The following SEMA5A variants were observed in gnomAD, a reference collection of about 807,000 sequenced individuals.
SEMA5A encodes semaphorin 5A.
SEMA5A carries 55 observed loss-of-function variants against 135.5 expected under a neutral mutation model. The ratio of observed to expected loss-of-function variants is 0.41; its 90% CI spans 0.33 to 0.51. SEMA5A has a LOEUF of 0.51. SEMA5A is among the 20% of genes least tolerant of loss of function. The pLI is 0.37. For missense variants in SEMA5A, 1,290 were observed against 1,419.9 expected (o/e 0.91, Z 1.47); for synonymous variants, 580 against 546.5 (o/e 1.06, Z -0.85).
chr5:9,105,817 A>C (rs1316748969), intron 16 of SEMA5A, among the ~76,000 whole-genome samples: 2 of 152,256 alleles, frequency 1.3e-5, no homozygotes, highest in African/African-American at 4.8e-5. Context: ...ACTCAATAAA[A>C]ACCGAACCCT....
At chr5:9,446,623 G>GA (rs1351644449) in intron 1 of SEMA5A, among the ~76,000 whole-genome samples, 1 of 151,420 alleles carries the variant, frequency 6.6e-6, no homozygotes, top group Non-Finnish European at 1.5e-5. Flanking sequence ...TCAGTCCCTA[G>GA]AAAAAAAGGG....
intron 5 of SEMA5A, among the ~76,000 whole-genome samples, chr5:9,311,736 A>T (rs954819501): frequency 3.3e-5 from 5 of 152,282 alleles, no homozygotes; most frequent in African/African-American, 1.2e-4. Flanking sequence ...TAAAACTTAA[A>T]GTATAATGAT....
At chr5:9,099,876 C>G (rs1739524147) in intron 16 of SEMA5A, among the ~76,000 whole-genome samples, 1 of 152,182 alleles carries the variant, frequency 6.6e-6, no homozygotes, top group Non-Finnish European at 1.5e-5. Flanking sequence ...CTCAAGGCTG[C>G]CAGCTAGTGG....
chr5:9,184,779 C>T (rs1021536938), intron 11 of SEMA5A, among the ~76,000 whole-genome samples: 1 of 151,500 alleles, frequency 6.6e-6, no homozygotes, highest in Non-Finnish European at 1.5e-5. Flanking sequence ...CTTTTTTTTC[C>T]AAGCAAAGTA....
At chr5:9,169,607 C>T (rs1310548971) in intron 11 of SEMA5A, among the ~76,000 whole-genome samples, 5 of 152,148 alleles carry the variant, frequency 3.3e-5, no homozygotes, top group African/African-American at 1.2e-4. Flanking sequence ...TATCATTTTC[C>T]ATCTGCTCTT....
Position 9,507,862 on chromosome 5 carries a change from G to C in SEMA5A, c.-175+37722C>G, listed in dbSNP as rs572639126. The stretch of plus-strand genomic sequence containing the variant: ...TTCTAAAAATACAAAAAATTAGCCG[G>C]GCATGGTGGCGGGCGCCTGTAGTCC... On this transcript the variant is annotated intron_variant, in intron 1 of 22. Transcript: ENST00000382496. Among the ~76,000 whole-genome samples, 7 of 152,128 alleles carry C rather than the reference G, an allele frequency of 4.6e-5. No homozygotes were observed. The South Asian group carries it at 1.5e-3, about 32-fold the overall frequency.
At chr5:9,397,191 CACAT>C (rs1385067383) in intron 2 of SEMA5A, among the ~76,000 whole-genome samples, 23 of 152,184 alleles carry the variant, frequency 1.5e-4, no homozygotes, top group African/African-American at 5.3e-4. Flanking sequence ...AACAAACACA[CACAT>C]AGTTGCACAC....
At chr5:9,494,973 C>T (rs1179587175) in intron 1 of SEMA5A, among the ~76,000 whole-genome samples, 1 of 152,022 alleles carries the variant, frequency 6.6e-6, no homozygotes, top group Non-Finnish European at 1.5e-5. Flanking sequence ...TTTTAACTGT[C>T]CATATATATT....
At chr5:9,270,795 T>A (rs1221336486) in intron 5 of SEMA5A, among the ~76,000 whole-genome samples, 3 of 152,032 alleles carry the variant, frequency 2.0e-5, no homozygotes, top group Admixed American at 6.6e-5. Context: ...AAAAATAGAT[T>A]AAATATAAGC....
chr5:9,280,706 C>A, intron 5 of SEMA5A: 1 of 241,986 alleles, frequency 4.1e-6, no homozygotes, highest in Non-Finnish European at 8.7e-6. Flanking sequence ...ATTTGAAAAA[C>A]CAACCAAAAT....
intron 21 of SEMA5A, among the ~76,000 whole-genome samples, chr5:9,048,168 T>C (rs1343143158): frequency 6.6e-6 from 1 of 152,166 alleles, no homozygotes; most frequent in African/African-American, 2.4e-5. Flanking sequence ...TCCAAGTGTG[T>C]TACCTAACCA....
rs542364272 is a variant in SEMA5A, at chr5:9,208,408, C to T, written c.647-6168G>A. 4.0e-4 allele frequency among the ~76,000 whole-genome samples: 61 copies of T among 152,164 alleles called. 1 individual carries two copies. Among genetic ancestry groups the T allele is most frequent in the Non-Finnish European group, 6.8e-4 (46 of 68,030 alleles). ...GGGGCTGTCCTGGGCACTGGGTGCTCCTTAGTAAACTGATAGACACAGCCC... is the reference window on the plus strand; with the variant it reads ...GGGGCTGTCCTGGGCACTGGGTGCTTCTTAGTAAACTGATAGACACAGCCC... On this transcript the variant is annotated intron_variant, in intron 8 of 22. Coordinates refer to ENST00000382496, the MANE Select transcript of SEMA5A (RefSeq NM_003966.3).
chr5:9,168,515 G>T (rs1743737280), intron 11 of SEMA5A, among the ~76,000 whole-genome samples: 1 of 152,190 alleles, frequency 6.6e-6, no homozygotes, highest in African/African-American at 2.4e-5. Context: ...CTTCATCATT[G>T]TTACCATGTG....
At position 9,197,295 on chromosome 5, in the gene SEMA5A, A is replaced by T. The variant is rs749190956; in HGVS notation, c.941T>A (p.Ile314Asn). 1.2e-6 allele frequency: 2 copies of T among 1,610,974 alleles called. No homozygotes were observed. Among genetic ancestry groups the T allele is most frequent in the Non-Finnish European group, 1.7e-6 (2 of 1,179,220 alleles). Residue 314 changes from isoleucine to asparagine, a missense_variant, in exon 10 of 23, where the codon ATT becomes AAT. Around this residue, in one of 3 missense-constraint regions of SEMA5A, gnomAD observed 1,029 missense variants for 1,086.6 expected, o/e 0.95. Transcript: ENST00000382496. ...GAAGACGCACACAGCTGAGGCCGCA[A>T]TGCTGTTCCTGGGAGCGGAGGGAGA... ...YGIFTTNVNS[I>N]AASAVCVFNL...
intron 10 of SEMA5A, among the ~76,000 whole-genome samples, chr5:9,194,444 T>C (rs944154868): frequency 2.0e-5 from 3 of 152,184 alleles, no homozygotes; most frequent in African/African-American, 4.8e-5. Flanking sequence ...AAAACAAGAA[T>C]TTAAAAAATC....
chr5:9,275,568 C>T (rs868539463), intron 5 of SEMA5A, among the ~76,000 whole-genome samples: 10 of 152,064 alleles, frequency 6.6e-5, no homozygotes, highest in African/African-American at 1.4e-4. Context: ...TGATGATCAT[C>T]GATGTGAAAA....
intron 10 of SEMA5A, among the ~76,000 whole-genome samples, chr5:9,192,367 A>G (rs1745158966): frequency 6.6e-6 from 1 of 152,274 alleles, no homozygotes; most frequent in South Asian, 2.1e-4. Flanking sequence ...GCATTTGTAA[A>G]TTAACTGGAA....
At chr5:9,322,313 C>A (rs1752664718) in intron 4 of SEMA5A, among the ~76,000 whole-genome samples, 1 of 152,000 alleles carries the variant, frequency 6.6e-6, no homozygotes, top group African/African-American at 2.4e-5. Flanking sequence ...TGGTGCCCTT[C>A]CAATCATCTC....
intron 16 of SEMA5A, among the ~76,000 whole-genome samples, chr5:9,080,399 G>C (rs1392839383): frequency 6.6e-6 from 1 of 152,010 alleles, no homozygotes; most frequent in East Asian, 1.9e-4. Context: ...AGCCGGTTGG[G>C]GGTGGCTAGG....
Sources: gnomAD v4.1 joint callset for allele counts (sites outside exome capture counted in the v4.1 genomes callset) on GRCh38, gnomAD v4.1.1 for gene constraint, gnomAD v4.1.1 regional missense constraint, MANE v1.5 for transcripts, NCBI Gene and HGNC (gene_info 2026-07-23, HGNC 2026-07-21) for gene names.